Variants in MAGI2 observed in about 807,000 individuals in gnomAD.
MAGI2 encodes the protein membrane-associated guanylate kinase, WW and PDZ domain-containing protein 2.
In MAGI2, 35 loss-of-function variants were observed where a neutral mutation model predicts 133.3. That is an observed-to-expected ratio of 0.26 (90% CI 0.20 to 0.35). MAGI2 has a LOEUF of 0.35. MAGI2 is among the 10% of genes least tolerant of loss of function. The pLI, the probability that MAGI2 is intolerant of heterozygous loss-of-function variation, is 1.00. For synonymous variants in MAGI2, 729 were observed against 710.6 expected (o/e 1.03, Z -0.41); for missense variants, 1,636 against 1,863.4 (o/e 0.88, Z 2.25).
At chr7:78,098,351 C>T (rs1326110430) in intron 20 of MAGI2, among the ~76,000 whole-genome samples, 1 of 152,086 alleles carries the variant, frequency 6.6e-6, no homozygotes, top group African/African-American at 2.4e-5. Context: ...AATAGCATTA[C>T]ATATGTGATT....
chr7:78,665,364 A>G (rs926672421), intron 2 of MAGI2, among the ~76,000 whole-genome samples: 3 of 152,274 alleles, frequency 2.0e-5, no homozygotes, highest in Admixed American at 6.5e-5. Flanking sequence ...TGGATAATGA[A>G]CTCCAGAAAT....
chr7:79,216,718 T>C (rs1830061065), intron 1 of MAGI2, among the ~76,000 whole-genome samples: 1 of 152,086 alleles, frequency 6.6e-6, no homozygotes, highest in African/African-American at 2.4e-5. Context: ...CTGTTTCACA[T>C]ATGCATATAC....
rs1795570311 is a variant in MAGI2 at position 78,511,545 on chromosome 7, A to ATATATG, written c.755-9759_755-9758insCATATA. Among the ~76,000 whole-genome samples, 3 of 115,272 alleles carry ATATATG rather than the reference A, an allele frequency of 2.6e-5. No homozygotes were observed. The South Asian group carries it at 9.6e-4, about 37-fold the overall frequency. The allele number at this position is 115,272 out of a possible 152,430, so 75.6% of individuals were successfully genotyped here. A position where few individuals can be genotyped will look rare whatever the true frequency, so the allele number is the denominator to read the frequency against. On this transcript the variant is annotated intron_variant, in intron 4 of 21. Coordinates refer to ENST00000354212, the MANE Select transcript of MAGI2 (RefSeq NM_012301.4). ...TGCTCACCATCTTTTATATATATAT[A>ATATATG]TATAAATTTTTTTTTTTTTTTTTTT...
chr7:78,681,089 C>T (rs1440118912), intron 2 of MAGI2, among the ~76,000 whole-genome samples: 1 of 152,136 alleles, frequency 6.6e-6, no homozygotes, highest in Non-Finnish European at 1.5e-5. Context: ...TGTCTTCCTT[C>T]ACCCTCAGAC....
In MAGI2 at chr7:78,144,048, A is replaced by G. The variant is rs138252475; in HGVS notation, c.2846-8842T>C. Among the ~76,000 whole-genome samples the G allele has an allele frequency of 4.2e-3, 636 of 152,012 alleles. 4 individuals carry two copies. Among genetic ancestry groups the G allele is most frequent in the African/African-American group, 0.015 (610 of 41,466 alleles). Reference sequence around the variant, plus strand: ...TATGATGACAATTTAAGAGACTTATAGCAAGCTAATTGTTTTCCTTACATT... The same window carrying G: ...TATGATGACAATTTAAGAGACTTATGGCAAGCTAATTGTTTTCCTTACATT... On this transcript the variant is annotated intron_variant, in intron 16 of 21. Transcript: ENST00000354212.
chr7:79,035,397 G>T (rs1297636282), intron 1 of MAGI2, among the ~76,000 whole-genome samples: 1 of 152,146 alleles, frequency 6.6e-6, no homozygotes, highest in African/African-American at 2.4e-5. Flanking sequence ...GTGGAACTGG[G>T]TTTATCTGTC....
At chr7:78,348,830 G>A (rs1450404094) in intron 7 of MAGI2, among the ~76,000 whole-genome samples, 2 of 152,144 alleles carry the variant, frequency 1.3e-5, no homozygotes, top group Non-Finnish European at 2.9e-5. Context: ...GAATCAAGGT[G>A]GGAGATCAAT....
At chr7:79,178,456 A>G (rs1585128678) in intron 1 of MAGI2, among the ~76,000 whole-genome samples, 1 of 152,018 alleles carries the variant, frequency 6.6e-6, no homozygotes, top group Non-Finnish European at 1.5e-5. Context: ...TCACACCTGT[A>G]ATCCCAGCAC....
intron 2 of MAGI2, among the ~76,000 whole-genome samples, chr7:78,717,028 C>A (rs1011139618): frequency 1.4e-4 from 21 of 152,104 alleles, no homozygotes; most frequent in Admixed American, 9.2e-4. Context: ...TAACCCCTAA[C>A]CCAGTGAATT....
chr7:79,328,310 A>G (rs1839840921), intron 1 of MAGI2, among the ~76,000 whole-genome samples: 1 of 152,186 alleles, frequency 6.6e-6, no homozygotes, highest in Non-Finnish European at 1.5e-5. Flanking sequence ...TGTAATATCA[A>G]GAATATCCTC....
intron 3 of MAGI2, among the ~76,000 whole-genome samples, chr7:78,549,730 A>G (rs1047252968): frequency 1.3e-5 from 2 of 152,206 alleles, no homozygotes; most frequent in African/African-American, 4.8e-5. Flanking sequence ...CCTACTATAT[A>G]TTTCCTATGA....
intron 1 of MAGI2, among the ~76,000 whole-genome samples, chr7:79,407,115 A>G (rs1246420096): frequency 1.3e-5 from 2 of 152,124 alleles, no homozygotes; most frequent in African/African-American, 4.8e-5. Flanking sequence ...AAATTTTTCT[A>G]TGCGTTTTGT....
chr7:79,175,682 T>C (rs1826029812), intron 1 of MAGI2, among the ~76,000 whole-genome samples: 1 of 152,092 alleles, frequency 6.6e-6, no homozygotes, highest in Admixed American at 6.6e-5. Context: ...CTATGTAGGA[T>C]AGCCTATTGC....
At chr7:79,103,764 A>G (rs1233220753) in intron 1 of MAGI2, among the ~76,000 whole-genome samples, 3 of 151,928 alleles carry the variant, frequency 2.0e-5, no homozygotes, top group Non-Finnish European at 2.9e-5. Flanking sequence ...CAGTGGCGCA[A>G]TCTTGGCTCA....
chr7:78,627,769 TA>T (rs1808528318), intron 2 of MAGI2, among the ~76,000 whole-genome samples: 1 of 152,354 alleles, frequency 6.6e-6, no homozygotes, highest in South Asian at 2.1e-4. Context: ...TTATTTGATT[TA>T]AAGGATCGCA....
At chr7:78,125,592 C>A in intron 20 of MAGI2, 102 bp downstream of exon 20, 2 of 1,273,468 alleles carry the variant, frequency 1.6e-6, no homozygotes, top group Non-Finnish European at 2.2e-6. Flanking sequence ...GAGGGCAAAC[C>A]TACAGCAACC....
chr7:79,171,166 G>T (rs1825503873), intron 1 of MAGI2, among the ~76,000 whole-genome samples: 1 of 152,064 alleles, frequency 6.6e-6, no homozygotes. Context: ...GAAGTCAGAA[G>T]TCTGAAATCA....
chr7:78,720,782 A>C (rs1346524826), intron 2 of MAGI2, among the ~76,000 whole-genome samples: 1 of 152,136 alleles, frequency 6.6e-6, no homozygotes, highest in Non-Finnish European at 1.5e-5. Flanking sequence ...CTTCATCAGA[A>C]AACCAAATAA....
At chr7:79,422,604 C>T (rs750238961) in intron 1 of MAGI2, among the ~76,000 whole-genome samples, 1 of 152,004 alleles carries the variant, frequency 6.6e-6, no homozygotes, top group Admixed American at 6.6e-5. Flanking sequence ...TGGCTTCATG[C>T]AATTTCAAAC....
Sources: allele counts gnomAD v4.1 joint callset (sites outside exome capture counted in the v4.1 genomes callset), GRCh38; gene constraint gnomAD v4.1.1; transcripts MANE v1.5; gene names NCBI Gene and HGNC (gene_info 2026-07-23, HGNC 2026-07-21).